Variants in TLCD4 observed in about 807,000 individuals in gnomAD.
The protein encoded by TLCD4 is TLC domain-containing protein 4.
A neutral mutation model predicts 24.2 loss-of-function variants in TLCD4; 7 were observed. That is an observed-to-expected ratio of 0.29 (90% CI 0.16 to 0.54). The LOEUF (loss-of-function observed/expected upper bound fraction) is 0.54, where lower values mean the gene tolerates loss of function less well. TLCD4 is among the 20% of genes least tolerant of loss of function. The probability of loss-of-function intolerance (pLI) is 0.95; values close to 1 mark genes in which losing one functional copy is unlikely to be tolerated. For synonymous variants in TLCD4, 103 were observed against 106.4 expected, an observed-to-expected ratio of 0.97 and a Z score of 0.20; for missense variants, 259 against 313.9, an observed-to-expected ratio of 0.82 and a Z score of 1.32.
chr1:95,107,145 C>T, the TLCD4 span, among the ~76,000 whole-genome samples: 18 of 152,136 alleles, frequency 1.2e-4, no homozygotes, highest in African/African-American at 2.9e-4. Flanking sequence ...TCTTTTAGGC[C>T]GGGCGCGGTG....
At position 95,160,005 on chromosome 1, in the gene TLCD4, A is replaced by G. The variant is rs1677740507; in HGVS notation, c.399+8586A>G. On this transcript the variant is annotated intron_variant, in intron 5 of 6. Transcript: ENST00000370203. ...GCAATGCGGGCTCTTTTTTCATTCC[A>G]TATGAACTTTAAAGTAGTTTTTTCC... Among the ~76,000 whole-genome samples the G allele has an allele frequency of 2.0e-5, 3 of 152,144 alleles. No homozygotes were observed. The South Asian group carries it at 6.2e-4, about 31-fold the overall frequency.
At chr1:95,096,312 TGGCTGTTGCTGTTTTCC>T in the TLCD4 span, among the ~76,000 whole-genome samples, 1 of 152,246 alleles carries the variant, frequency 6.6e-6, no homozygotes, top group African/African-American at 2.4e-5. Context: ...ATTTATGTAT[TGGCTGTTGCTGTTTTCC>T]GGCCTTAGGT....
intron 5 of TLCD4, among the ~76,000 whole-genome samples, chr1:95,160,730 G>C (rs12093923): frequency 2.6e-5 from 4 of 151,996 alleles, no homozygotes; most frequent in Non-Finnish European, 5.9e-5. Flanking sequence ...GAATTTTGTC[G>C]AAGGCCTTTT....
chr1:95,093,682 G>A, the TLCD4 span, among the ~76,000 whole-genome samples: 9 of 152,146 alleles, frequency 5.9e-5, no homozygotes, highest in African/African-American at 2.2e-4. Context: ...TGTTTATTCA[G>A]AAACCTATTA....
At position 95,138,788 on chromosome 1, in the gene TLCD4, A is replaced by G. The variant is rs867886541; in HGVS notation, c.-11-5103A>G. ...TTTGTGTATCTAAATTCTACATTGT[A>G]TAGTATTTACTGTACTGAATACATG... On this transcript the variant is annotated intron_variant, in intron 1 of 6. Transcript: ENST00000370203. 8.5e-5 allele frequency among the ~76,000 whole-genome samples: 13 copies of G among 152,198 alleles called. 1 individual carries two copies. The South Asian group carries it at 2.3e-3, about 27-fold the overall frequency.
intron 5 of TLCD4, among the ~76,000 whole-genome samples, chr1:95,170,264 T>C (rs1244989889): frequency 6.6e-6 from 1 of 151,964 alleles, no homozygotes; most frequent in African/African-American, 2.4e-5. Flanking sequence ...ATAATTTTTT[T>C]AATGCTTCAT....
intron 6 of TLCD4, among the ~76,000 whole-genome samples, chr1:95,185,384 G>A (rs1678796712): frequency 6.6e-6 from 1 of 152,200 alleles, no homozygotes; most frequent in Admixed American, 6.5e-5. Context: ...TTGAGATCTT[G>A]GGGTCAGAGT....
At chr1:95,188,664 T>G (rs1289573549) in intron 6 of TLCD4, among the ~76,000 whole-genome samples, 2 of 152,236 alleles carry the variant, frequency 1.3e-5, no homozygotes, top group Non-Finnish European at 2.9e-5. Flanking sequence ...TTGTGAGTTT[T>G]GGACCTGGAG....
At chr1:95,113,582 C>T (rs945563141), upstream of TLCD4, among the ~76,000 whole-genome samples, 7 of 151,984 alleles carry the variant, frequency 4.6e-5, 1 homozygote, top group Non-Finnish European at 8.8e-5. Context: ...GAAGCAGGGC[C>T]GGGGGCTGAT....
At chr1:95,189,912 A>G (rs948242324) in intron 6 of TLCD4, among the ~76,000 whole-genome samples, 3 of 152,170 alleles carry the variant, frequency 2.0e-5, no homozygotes, top group Admixed American at 1.3e-4. Flanking sequence ...TGCTATGAAT[A>G]TGTTTAGTTT....
chr1:95,160,128 C>T (rs2100963088), intron 5 of TLCD4, among the ~76,000 whole-genome samples: 1 of 152,298 alleles, frequency 6.6e-6, no homozygotes, highest in African/African-American at 2.4e-5. Flanking sequence ...TTGATTCTTC[C>T]TACACATGAG....
At chr1:95,114,528 AACTT>A (rs1676393304), upstream of TLCD4, among the ~76,000 whole-genome samples, 1 of 152,154 alleles carries the variant, frequency 6.6e-6, no homozygotes, top group African/African-American at 2.4e-5. Context: ...TCATCAGGAA[AACTT>A]ACTTCATTTA....
At chr1:95,171,340 C>T (rs1021391768) in intron 5 of TLCD4, among the ~76,000 whole-genome samples, 1 of 152,060 alleles carries the variant, frequency 6.6e-6, no homozygotes, top group Non-Finnish European at 1.5e-5. Context: ...TCCTGCAGCC[C>T]GGGAAACCCC....
chr1:95,119,023 A>AT (rs984212445), intron 1 of TLCD4, among the ~76,000 whole-genome samples: 1 of 152,048 alleles, frequency 6.6e-6, no homozygotes, highest in Non-Finnish European at 1.5e-5. Flanking sequence ...CTTGAGATGA[A>AT]TTTTATCTGT....
At chr1:95,189,831 G>A (rs761516999) in intron 6 of TLCD4, among the ~76,000 whole-genome samples, 1 of 152,206 alleles carries the variant, frequency 6.6e-6, no homozygotes, top group Non-Finnish European at 1.5e-5. Context: ...AAACACGTAT[G>A]CAGCTTTTGT....
intron 5 of TLCD4, 52 bp from the exon 6 acceptor site, chr1:95,173,764 A>G: frequency 6.2e-7 from 1 of 1,611,110 alleles, no homozygotes. Context: ...GGTATTTGGG[A>G]ATTTTGTTAA....
chr1:95,166,129 A>G (rs1374638671), intron 5 of TLCD4, among the ~76,000 whole-genome samples: 1 of 152,182 alleles, frequency 6.6e-6, no homozygotes, highest in Non-Finnish European at 1.5e-5. Context: ...ACTTTTGAAT[A>G]GCAGTCCCAG....
At chr1:95,163,080 A>G (rs1303498428) in intron 5 of TLCD4, 1 of 152,242 alleles carries the variant, frequency 6.6e-6, no homozygotes, top group Non-Finnish European at 1.5e-5. Flanking sequence ...TCTCCTGGAT[A>G]ATACCCTGAA....
the TLCD4 span, among the ~76,000 whole-genome samples, chr1:95,104,663 C>CAAAAAAAAAAAAAAA: frequency 2.0e-4 from 8 of 40,604 alleles, no homozygotes; most frequent in Non-Finnish European, 2.7e-4. Flanking sequence ...GACTCCGTCT[C>CAAAAAAAAAAAAAAA]AAAAAAAAAA....
Sources: allele counts gnomAD v4.1 joint callset (sites outside exome capture counted in the v4.1 genomes callset), GRCh38; gene constraint gnomAD v4.1.1; transcripts MANE v1.5; gene names NCBI Gene and HGNC (gene_info 2026-07-23, HGNC 2026-07-21).